The following CACNA1C variants were observed in gnomAD, a reference collection of about 807,000 sequenced individuals.
The protein encoded by CACNA1C is calcium voltage-gated channel subunit alpha1 C.
CACNA1C carries 30 observed loss-of-function variants against 229.0 expected under a neutral mutation model. The ratio of observed to expected loss-of-function variants is 0.13; its 90% CI spans 0.10 to 0.18. The LOEUF (loss-of-function observed/expected upper bound fraction) is 0.18, where lower values mean the gene tolerates loss of function less well. CACNA1C is among the 10% of genes least tolerant of loss of function. CACNA1C has a pLI of 1.00. For missense variants in CACNA1C, 1,658 were observed against 2,845.0 expected (o/e 0.58, Z 9.49); for synonymous variants, 1,114 against 1,132.5 (o/e 0.98, Z 0.33).
rs758510802 is a variant in CACNA1C, at chr12:2,634,393, C to T, written c.3912+13C>T. ...CACCGAGGTAAACGTAAGTACATGGCGTCTGTCCCTAACCGTCCGTGCCTG... is the reference window on the plus strand; with the variant it reads ...CACCGAGGTAAACGTAAGTACATGGTGTCTGTCCCTAACCGTCCGTGCCTG... On this transcript the variant is annotated intron_variant, in intron 30 of 46. Coordinates refer to ENST00000399655, the MANE Select transcript of CACNA1C (RefSeq NM_000719.7). 12 of 1,493,628 alleles carry T rather than the reference C, an allele frequency of 8.0e-6. No individual in the cohort carries two copies. The highest frequency in any genetic ancestry group is 4.8e-5 in the South Asian group (4 of 83,014). The allele number at this position is 1,493,628 out of a possible 1,614,324, so 92.5% of individuals were successfully genotyped here.
chr12:2,620,309 C>T (rs1010921063), intron 29 of CACNA1C, among the ~76,000 whole-genome samples: 1 of 152,058 alleles, frequency 6.6e-6, no homozygotes, highest in Non-Finnish European at 1.5e-5. Context: ...TGTAAAAATC[C>T]TGGGATTCTA....
At chr12:2,621,913 A>T (rs184214567) in intron 29 of CACNA1C, among the ~76,000 whole-genome samples, 3 of 152,286 alleles carry the variant, frequency 2.0e-5, no homozygotes, top group Admixed American at 2.0e-4. Context: ...TGGGCTGGAG[A>T]TGTATTTTAG....
intron 3 of CACNA1C, among the ~76,000 whole-genome samples, chr12:2,355,862 A>G (rs576790049): frequency 2.6e-5 from 4 of 151,734 alleles, no homozygotes; most frequent in South Asian, 2.1e-4. Context: ...ATCCAGCCCA[A>G]TAAGTCAGCA....
intron 3 of CACNA1C, among the ~76,000 whole-genome samples, chr12:2,216,379 G>A (rs1181249281): frequency 6.6e-6 from 1 of 152,170 alleles, no homozygotes; most frequent in Non-Finnish European, 1.5e-5. Flanking sequence ...CAAGAAAGAA[G>A]CAGGCACGCA....
In CACNA1C at chr12:2,033,509, A is replaced by G. The variant is rs149434309; in HGVS notation, c.139+62308A>G. Among the ~76,000 whole-genome samples, 11 of 152,250 alleles carry G rather than the reference A, an allele frequency of 7.2e-5. No individual in the cohort carries two copies. The East Asian group carries it at 1.7e-3, about 24-fold the overall frequency. On this transcript the variant is annotated intron_variant, in intron 1 of 46. Transcript: ENST00000682462. ...AGCTTCATCTCCACTCCTCTGGGCT[A>G]TATGTCTCCTGGAGTCTCAGAGTCC... is the stretch of plus-strand genomic sequence containing the variant.
chr12:2,432,236 C>T (rs1176944518), intron 3 of CACNA1C, among the ~76,000 whole-genome samples: 1 of 152,146 alleles, frequency 6.6e-6, no homozygotes, highest in South Asian at 2.1e-4. Flanking sequence ...GGAGGAGAGG[C>T]GAGTTAGCCC....
intron 1 of CACNA1C, among the ~76,000 whole-genome samples, chr12:1,978,984 A>C (rs2035276170): frequency 6.6e-6 from 1 of 152,180 alleles, no homozygotes; most frequent in South Asian, 2.1e-4. Context: ...TTATGAATAA[A>C]ACTGCTTTGA....
At chr12:2,222,145 T>G (rs1306972451) in intron 3 of CACNA1C, 3 of 152,210 alleles carry the variant, frequency 2.0e-5, no homozygotes, top group African/African-American at 7.2e-5. Flanking sequence ...CATAAACATT[T>G]GAAATAAAAA....
intron 3 of CACNA1C, among the ~76,000 whole-genome samples, chr12:2,437,653 G>A (rs1265797307): frequency 1.3e-5 from 2 of 152,158 alleles, no homozygotes; most frequent in Non-Finnish European, 2.9e-5. Flanking sequence ...AGATAGGGGA[G>A]GTGGAAATGG....
At chr12:2,492,583 C>T (rs181238945) in intron 6 of CACNA1C, among the ~76,000 whole-genome samples, 7 of 152,330 alleles carry the variant, frequency 4.6e-5, no homozygotes, top group Non-Finnish European at 4.4e-5. Flanking sequence ...GTCCGTTTTC[C>T]GTCTTTCGCC....
chr12:1,972,847 G>A (rs1248495520), intron 1 of CACNA1C, among the ~76,000 whole-genome samples: 2 of 152,028 alleles, frequency 1.3e-5, no homozygotes, highest in African/African-American at 4.8e-5. Flanking sequence ...GGAGGGAGAG[G>A]GAGAAAAAGA....
chr12:2,671,844 C>A (rs1449115051), intron 38 of CACNA1C, among the ~76,000 whole-genome samples: 1 of 152,182 alleles, frequency 6.6e-6, no homozygotes, highest in African/African-American at 2.4e-5. Flanking sequence ...AGAACAGCTA[C>A]CAAAGGGCCC....
rs554654426 is a variant in CACNA1C at position 2,097,185 on chromosome 12, A to G, written c.50-18039A>G. Among the ~76,000 whole-genome samples the G allele has an allele frequency of 2.1e-3, 312 of 152,134 alleles. 2 individuals are homozygous for G. In the Middle Eastern group the frequency reaches 0.024, roughly 12 times the overall value. ...TTTTGAGATGGAGTCTTGCTCTGTC[A>G]CCCAGGCTGGAGTGCAGTGGCGCGA... On this transcript the variant is annotated intron_variant, in intron 1 of 46. Coordinates refer to ENST00000399655, the MANE Select transcript of CACNA1C (RefSeq NM_000719.7).
chr12:2,656,663 A>G (rs774329444), intron 34 of CACNA1C, among the ~76,000 whole-genome samples: 2 of 152,206 alleles, frequency 1.3e-5, no homozygotes, highest in African/African-American at 2.4e-5. Flanking sequence ...AGGCACCACA[A>G]TGCATGATAT....
intron 29 of CACNA1C, among the ~76,000 whole-genome samples, chr12:2,622,991 A>G (rs1379828081): frequency 2.0e-5 from 3 of 152,196 alleles, no homozygotes; most frequent in Non-Finnish European, 4.4e-5. Context: ...ACTTTTGAGG[A>G]AGACGTTTTC....
At chr12:2,596,032 C>G in intron 20 of CACNA1C, 29 bp downstream of exon 20, 4 of 1,595,460 alleles carry the variant, frequency 2.5e-6, no homozygotes, top group Non-Finnish European at 3.4e-6. Context: ...TTCTGCACTC[C>G]TTCCCCCTGG....
At chr12:2,249,878 C>T (rs2074935293) in intron 3 of CACNA1C, among the ~76,000 whole-genome samples, 1 of 150,856 alleles carries the variant, frequency 6.6e-6, no homozygotes, top group African/African-American at 2.4e-5. Flanking sequence ...TCACGCGATT[C>T]TCCTGCCTCA....
At chr12:2,239,309 G>A (rs543349599) in intron 3 of CACNA1C, among the ~76,000 whole-genome samples, 45 of 152,090 alleles carry the variant, frequency 3.0e-4, no homozygotes, top group Non-Finnish European at 1.3e-4. Flanking sequence ...CCTGAATGAC[G>A]GTGAGGGCTG....
At chr12:2,229,770 G>A (rs2064190363) in intron 3 of CACNA1C, among the ~76,000 whole-genome samples, 1 of 152,216 alleles carries the variant, frequency 6.6e-6, no homozygotes. Context: ...GGCCTGGCAG[G>A]CTCAAGGGCG....
Sources: allele counts gnomAD v4.1 joint callset (sites outside exome capture counted in the v4.1 genomes callset), GRCh38; gene constraint gnomAD v4.1.1; transcripts MANE v1.5; gene names NCBI Gene and HGNC (gene_info 2026-07-23, HGNC 2026-07-21).